The following FBXO11 variants were observed in gnomAD, a reference collection of about 807,000 sequenced individuals.
FBXO11 encodes F-box only protein 11.
Under a neutral mutation model 117.0 loss-of-function variants are expected in FBXO11, and 13 were observed. That is an observed-to-expected ratio of 0.11 (90% CI 0.07 to 0.18). FBXO11 has a LOEUF of 0.18. Ranked by LOEUF, FBXO11 falls within the 10% of genes least tolerant of loss-of-function variation. The pLI is 1.00. For missense variants in FBXO11, 767 were observed against 1,164.4 expected (o/e 0.66, Z 4.97); for synonymous variants, 490 against 380.5 (o/e 1.29, Z -3.35).
chr2:47,823,849 A>AT lies in FBXO11; in HGVS notation c.1399-490dup, dbSNP rs565340406. 7.1e-3 allele frequency among the ~76,000 whole-genome samples: 1,049 copies of AT among 147,500 alleles called. 8 individuals carry two copies. Among genetic ancestry groups the AT allele is most frequent in the African/African-American group, 0.023 (914 of 40,492 alleles). ...GAAAGAAAAAGATTTAAATGTTTTAATTTTTTTTTTTTTAACAGACAAGGT... is the reference window on the plus strand; with the variant it reads ...GAAAGAAAAAGATTTAAATGTTTTAATTTTTTTTTTTTTTAACAGACAAGGT... On this transcript the variant is annotated intron_variant, in intron 11 of 22. Transcript: ENST00000403359.
chr2:47,892,920 G>T (rs1677370348), intron 1 of FBXO11, among the ~76,000 whole-genome samples: 1 of 151,794 alleles, frequency 6.6e-6, no homozygotes, highest in Non-Finnish European at 1.5e-5. Context: ...AACAACTTTT[G>T]AAGTGTGGTC....
chr2:47,873,996 C>T (rs891417692), intron 1 of FBXO11, among the ~76,000 whole-genome samples: 6 of 151,966 alleles, frequency 3.9e-5, no homozygotes, highest in Non-Finnish European at 4.4e-5. Flanking sequence ...GGGTGGATCA[C>T]GGGGTCAAGC....
intron 1 of FBXO11, among the ~76,000 whole-genome samples, chr2:47,875,718 C>T (rs1675953671): frequency 6.6e-6 from 1 of 151,992 alleles, no homozygotes; most frequent in South Asian, 2.1e-4. Context: ...TCTAAGAATA[C>T]AAGTCATAAT....
At chr2:47,848,143 C>A (rs2651768) in intron 1 of FBXO11, among the ~76,000 whole-genome samples, 109,937 of 147,708 alleles carry the variant, frequency 0.74, 40,729 homozygotes, top group East Asian at 0.99. Flanking sequence ...AACAAACAAA[C>A]AAAAAAACAA....
chr2:47,861,700 T>C (rs542304721), intron 1 of FBXO11, among the ~76,000 whole-genome samples: 1 of 152,110 alleles, frequency 6.6e-6, no homozygotes, highest in Non-Finnish European at 1.5e-5. Flanking sequence ...GTTAACTTGC[T>C]TGGTTTTGGC....
intron 1 of FBXO11, among the ~76,000 whole-genome samples, chr2:47,842,269 C>T (rs1340128881): frequency 6.6e-6 from 1 of 152,152 alleles, no homozygotes; most frequent in Non-Finnish European, 1.5e-5. Context: ...CCGCCTCGGC[C>T]TCCCAAAGTG....
At chr2:47,857,142 A>G (rs112102490) in intron 1 of FBXO11, among the ~76,000 whole-genome samples, 24 of 152,364 alleles carry the variant, frequency 1.6e-4, no homozygotes, top group African/African-American at 5.5e-4. Context: ...TTAGGGCACC[A>G]GATTTCCAAG....
In FBXO11 at chr2:47,807,015, A is replaced by AATGGTTATTGAATACTCCACAAT. The variant is rs1670253584; in HGVS notation, c.*1080_*1102dup. ...TTTAATTCTTATCTACCTTCTACAT[A>AATGGTTATTGAATACTCCACAAT]ATGGTTATTGAATACTCCACAATAT... is the stretch of plus-strand genomic sequence containing the variant. On this transcript the variant is annotated 3_prime_UTR_variant, in exon 23 of 23. Coordinates refer to ENST00000403359, the MANE Select transcript of FBXO11 (RefSeq NM_001190274.2). 1.5e-6 allele frequency: 1 copy of AATGGTTATTGAATACTCCACAAT among 667,862 alleles called. No homozygotes were observed. Among genetic ancestry groups the AATGGTTATTGAATACTCCACAAT allele is most frequent in the Non-Finnish European group, 2.6e-6 (1 of 379,868 alleles). 41.4% of individuals were successfully genotyped at this position (667,862 alleles called of 1,614,324 possible).
intron 1 of FBXO11, among the ~76,000 whole-genome samples, chr2:47,864,473 G>C (rs1675042542): frequency 6.6e-6 from 1 of 152,264 alleles, no homozygotes; most frequent in African/African-American, 2.4e-5. Flanking sequence ...TGTAATCTCA[G>C]CTACTCGGGA....
Position 47,905,963 on chromosome 2 carries a change from G to C in FBXO11, c.-243C>G, listed in dbSNP as rs1276142286. 2.3e-6 allele frequency: 1 copy of C among 426,608 alleles called. No homozygotes were observed. The highest frequency in any genetic ancestry group is 2.1e-5 in the African/African-American group (1 of 47,798). The allele number at this position is 426,608 out of a possible 1,614,324, so 26.4% of individuals were successfully genotyped here. On this transcript the variant is annotated 5_prime_UTR_variant, in exon 1 of 23. Transcript: ENST00000403359. ...GAGGGCCTGACGCACGGGGAAGGCC[G>C]AAGCCGCCGGGCGGGGCGGCCGCGA...
At chr2:47,865,084 T>G (rs1234972422) in intron 1 of FBXO11, among the ~76,000 whole-genome samples, 2 of 152,248 alleles carry the variant, frequency 1.3e-5, no homozygotes, top group Non-Finnish European at 2.9e-5. Context: ...GTGTTAATTG[T>G]AGATATACAT....
intron 21 of FBXO11, chr2:47,808,867 T>G (rs185737873): frequency 3.5e-6 from 1 of 288,120 alleles, no homozygotes; most frequent in Non-Finnish European, 6.4e-6. Context: ...TTATGGTCTT[T>G]GTTTTGTTTT....
chr2:47,892,333 T>C (rs1677315326), intron 1 of FBXO11, among the ~76,000 whole-genome samples: 1 of 152,216 alleles, frequency 6.6e-6, no homozygotes, highest in East Asian at 1.9e-4. Flanking sequence ...TTTTAGATAT[T>C]TCACCCGAAA....
intron 21 of FBXO11, chr2:47,808,932 A>G (rs115277608): frequency 1.8e-5 from 7 of 398,772 alleles, no homozygotes; most frequent in Non-Finnish European, 3.1e-5. Flanking sequence ...CCTGGGCTCC[A>G]GTGATCCTCC....
At position 47,813,433 on chromosome 2, in the gene FBXO11, T is replaced by TA. The variant is rs1387396523; in HGVS notation, c.2084-57_2084-56insT. 4.1e-5 allele frequency: 41 copies of TA among 1,008,568 alleles called. No individual in the cohort carries two copies. The African/African-American group carries it at 6.4e-4, about 16-fold the overall frequency. The allele number at this position is 1,008,568 out of a possible 1,614,324, so 62.5% of individuals were successfully genotyped here. On this transcript the variant is annotated intron_variant, in intron 17 of 22. Transcript: ENST00000403359. ...AGGTATATTTCTTTTTAATTTTTTTTTTTTTTTTTTTTTTTGAGACAGAGT... is the reference window on the plus strand; with the variant it reads ...AGGTATATTTCTTTTTAATTTTTTTTATTTTTTTTTTTTTTTGAGACAGAGT...
chr2:47,894,897 T>C (rs568668277), intron 1 of FBXO11, among the ~76,000 whole-genome samples: 4 of 152,190 alleles, frequency 2.6e-5, no homozygotes, highest in Non-Finnish European at 2.9e-5. Context: ...CCTCTGTTTT[T>C]TGTGGAAAAG....
chr2:47,817,341 T>C (rs898740102), intron 16 of FBXO11, among the ~76,000 whole-genome samples: 5 of 152,228 alleles, frequency 3.3e-5, no homozygotes, highest in African/African-American at 9.6e-5. Context: ...TGTTCTTCTA[T>C]CCACATCACT....
intron 1 of FBXO11, among the ~76,000 whole-genome samples, chr2:47,894,873 C>T (rs1372968297): frequency 2.0e-5 from 3 of 152,080 alleles, no homozygotes; most frequent in African/African-American, 7.2e-5. Flanking sequence ...TGGGAAAGAA[C>T]ACAGCAGTCT....
At chr2:47,843,962 A>C (rs1314784510) in intron 1 of FBXO11, among the ~76,000 whole-genome samples, 1 of 152,042 alleles carries the variant, frequency 6.6e-6, no homozygotes, top group Non-Finnish European at 1.5e-5. Flanking sequence ...GATGGTCTCG[A>C]ACTCCTGACC....
Sources: allele counts gnomAD v4.1 joint callset (sites outside exome capture counted in the v4.1 genomes callset), GRCh38; gene constraint gnomAD v4.1.1; transcripts MANE v1.5; gene names NCBI Gene and HGNC (gene_info 2026-07-23, HGNC 2026-07-21).